Variants in MMP26 observed in about 807,000 individuals in gnomAD.
The protein encoded by MMP26 is matrix metallopeptidase 26.
A neutral mutation model predicts 31.0 loss-of-function variants in MMP26; 33 were observed. The ratio of observed to expected loss-of-function variants is 1.06; its 90% CI spans 0.81 to 1.42. The LOEUF (loss-of-function observed/expected upper bound fraction) is 1.42, where lower values mean the gene tolerates loss of function less well. Ranked by LOEUF, MMP26 falls within the 40% of genes most tolerant of loss-of-function variation. The pLI is 0.00. For synonymous variants in MMP26, 122 were observed against 114.9 expected (o/e 1.06, Z -0.40); for missense variants, 347 against 316.1 (o/e 1.10, Z -0.74).
chr11:4,706,671 G>A (rs1247535264), intron 1 of MMP26, among the ~76,000 whole-genome samples: 1 of 151,130 alleles, frequency 6.6e-6, no homozygotes, highest in South Asian at 2.1e-4. Context: ...GCACAATACA[G>A]TATTGTTAAC....
chr11:4,827,683 G>A (rs1195882278), intron 2 of MMP26, among the ~76,000 whole-genome samples: 2 of 151,640 alleles, frequency 1.3e-5, no homozygotes, highest in Non-Finnish European at 2.9e-5. Context: ...GGAGAAGTAA[G>A]GGAAAGCAGA....
At chr11:4,825,646 T>A (rs1564789184) in intron 2 of MMP26, among the ~76,000 whole-genome samples, 1 of 152,156 alleles carries the variant, frequency 6.6e-6, no homozygotes, top group Non-Finnish European at 1.5e-5. Context: ...AACTAATACC[T>A]TACCTTCCAC....
At chr11:4,860,931 G>C (rs190176454) in intron 2 of MMP26, among the ~76,000 whole-genome samples, 167 of 151,860 alleles carry the variant, frequency 1.1e-3, no homozygotes, top group African/African-American at 3.9e-3. Context: ...ATAACATAGA[G>C]CATATTGCTA....
chr11:4,956,092 G>C (rs1846439377), intron 2 of MMP26, among the ~76,000 whole-genome samples: 1 of 152,170 alleles, frequency 6.6e-6, no homozygotes, highest in Admixed American at 6.5e-5. Flanking sequence ...TCTTTCAGAT[G>C]TATGTTGTGA....
chr11:4,905,473 G>C (rs1452249153), intron 2 of MMP26, among the ~76,000 whole-genome samples: 4 of 152,034 alleles, frequency 2.6e-5, no homozygotes, highest in African/African-American at 7.2e-5. Flanking sequence ...TCACAGTTAA[G>C]CTTCCATATA....
intron 2 of MMP26, among the ~76,000 whole-genome samples, chr11:4,967,071 T>A (rs1025911289): frequency 5.9e-5 from 9 of 152,220 alleles, no homozygotes; most frequent in African/African-American, 1.9e-4. Flanking sequence ...TTGAAGTTTA[T>A]AACAAGTTGT....
intron 2 of MMP26, among the ~76,000 whole-genome samples, chr11:4,917,068 A>G (rs1851105085): frequency 2.6e-5 from 4 of 152,242 alleles, no homozygotes. Context: ...ATATGAGCTC[A>G]AAGAGGGTAG....
At chr11:4,714,190 A>G (rs12282449) in intron 1 of MMP26, among the ~76,000 whole-genome samples, 28 of 152,152 alleles carry the variant, frequency 1.8e-4, no homozygotes, top group African/African-American at 6.0e-4. Context: ...GGTTTCTTTT[A>G]AGAATGAGGG....
At chr11:4,747,985 TACAA>T (rs1377706925) in intron 1 of MMP26, among the ~76,000 whole-genome samples, 3 of 151,118 alleles carry the variant, frequency 2.0e-5, no homozygotes, top group Non-Finnish European at 4.4e-5. Context: ...AAAAGAACAA[TACAA>T]ACAATCAACA....
chr11:4,980,317 T>C (rs887244445), intron 2 of MMP26, among the ~76,000 whole-genome samples: 2 of 152,032 alleles, frequency 1.3e-5, no homozygotes, highest in African/African-American at 4.8e-5. Flanking sequence ...TGTACCTCCT[T>C]TCGAAACCAG....
intron 1 of MMP26, among the ~76,000 whole-genome samples, chr11:4,750,794 G>T (rs10836571): frequency 0.29 from 44,429 of 151,794 alleles, 7,607 homozygotes; most frequent in African/African-American, 0.46. Flanking sequence ...AAGTGGGATA[G>T]GGGAGGAGAA....
At position 4,950,098 on chromosome 11, in the gene MMP26, A is replaced by G. The variant is rs377394151; in HGVS notation, c.-144-37970A>G. Reference sequence around the variant, plus strand: ...ATTTACAATAGATAGAGCAATTTAAATGCAAGTAGAAAGAAAGAAATCTTG... The same window carrying G: ...ATTTACAATAGATAGAGCAATTTAAGTGCAAGTAGAAAGAAAGAAATCTTG... On this transcript the variant is annotated intron_variant, in intron 2 of 7. Transcript: ENST00000380390. 8.6e-4 allele frequency among the ~76,000 whole-genome samples: 107 copies of G among 124,162 alleles called. 23 individuals carry two copies. In the South Asian group the frequency reaches 0.026, roughly 30 times the overall value. 81.5% of individuals were successfully genotyped at this position (124,162 alleles called of 152,430 possible). A position where few individuals can be genotyped will look rare whatever the true frequency, so the allele number is the denominator to read the frequency against.
chr11:4,970,971 C>G (rs538154121), intron 2 of MMP26, among the ~76,000 whole-genome samples: 15 of 152,020 alleles, frequency 9.9e-5, no homozygotes, highest in African/African-American at 7.2e-5. Context: ...AGCACACAGT[C>G]GGCAAATATT....
At chr11:4,971,266 T>C (rs1846662325) in intron 2 of MMP26, among the ~76,000 whole-genome samples, 1 of 152,144 alleles carries the variant, frequency 6.6e-6, no homozygotes, top group South Asian at 2.1e-4. Context: ...TTACCTGGGA[T>C]TGTAGCACAG....
intron 2 of MMP26, among the ~76,000 whole-genome samples, chr11:4,901,351 G>T (rs902533597): frequency 6.6e-6 from 1 of 151,688 alleles, no homozygotes; most frequent in Non-Finnish European, 1.5e-5. Flanking sequence ...TAGTAGAGAC[G>T]GGGTTTCACA....
At chr11:4,804,270 C>T (rs773610816) in intron 2 of MMP26, 9 of 1,613,640 alleles carry the variant, frequency 5.6e-6, no homozygotes, top group African/African-American at 5.3e-5. Context: ...CCACAGCATA[C>T]GTGGCACAGA....
chr11:4,814,044 C>A (rs904802561), intron 2 of MMP26, among the ~76,000 whole-genome samples: 9 of 152,048 alleles, frequency 5.9e-5, no homozygotes, highest in Non-Finnish European at 1.3e-4. Context: ...TATTATTATT[C>A]AACATTATTA....
chr11:4,748,528 T>C (rs1848408619), intron 1 of MMP26, among the ~76,000 whole-genome samples: 1 of 147,880 alleles, frequency 6.8e-6, no homozygotes, highest in African/African-American at 2.5e-5. Flanking sequence ...TGAATATAGA[T>C]GCAAAAATTC....
intron 2 of MMP26, chr11:4,907,643 A>G: frequency 6.2e-7 from 1 of 1,613,980 alleles, no homozygotes; most frequent in South Asian, 1.1e-5. Flanking sequence ...TGCCATGGGA[A>G]TTTCACCTAA....
Sources: allele counts gnomAD v4.1 joint callset (sites outside exome capture counted in the v4.1 genomes callset), GRCh38; gene constraint gnomAD v4.1.1; transcripts MANE v1.5; gene names NCBI Gene and HGNC (gene_info 2026-07-23, HGNC 2026-07-21).